Variants in ZMAT4 observed in about 807,000 individuals in gnomAD.
ZMAT4 encodes the protein zinc finger matrin-type protein 4.
ZMAT4 carries 17 observed loss-of-function variants against 28.7 expected under a neutral mutation model. The ratio of observed to expected loss-of-function variants is 0.59; its 90% CI spans 0.41 to 0.89. The LOEUF (loss-of-function observed/expected upper bound fraction) is 0.89, where lower values mean the gene tolerates loss of function less well. Ranked by LOEUF, ZMAT4 falls within the 40% of genes least tolerant of loss-of-function variation. The pLI, the probability that ZMAT4 is intolerant of heterozygous loss-of-function variation, is 0.00. For synonymous variants in ZMAT4, 117 were observed against 109.2 expected (o/e 1.07, Z -0.44); for missense variants, 240 against 283.8 (o/e 0.85, Z 1.11).
intron 1 of ZMAT4, among the ~76,000 whole-genome samples, chr8:40,876,984 C>T (rs114741242): frequency 1.7e-3 from 260 of 152,280 alleles, no homozygotes; most frequent in African/African-American, 6.1e-3. Context: ...ATCCTAGCCT[C>T]CACTCCTTCA....
chr8:40,632,405 A>T (rs1303438848), intron 5 of ZMAT4, among the ~76,000 whole-genome samples: 1 of 152,200 alleles, frequency 6.6e-6, no homozygotes, highest in Non-Finnish European at 1.5e-5. Flanking sequence ...AAATAAGAAA[A>T]TAGTGAAAGA....
intron 2 of ZMAT4, among the ~76,000 whole-genome samples, chr8:40,773,442 C>T (rs1319888549): frequency 6.6e-6 from 1 of 152,000 alleles, no homozygotes; most frequent in Non-Finnish European, 1.5e-5. Flanking sequence ...CAAGGCCAAT[C>T]ACACATAGCA....
At chr8:40,713,940 G>A (rs113774829) in intron 3 of ZMAT4, among the ~76,000 whole-genome samples, 342 of 120,418 alleles carry the variant, frequency 2.8e-3, no homozygotes, top group Middle Eastern at 4.3e-3. Flanking sequence ...AAAAAAAAAA[G>A]AAAAAGAAAA....
chr8:40,675,009 C>A, intron 4 of ZMAT4, 78 bp from the exon 5 acceptor site: 1 of 1,116,928 alleles, frequency 9.0e-7, no homozygotes, highest in Non-Finnish European at 1.3e-6. Context: ...ACCCGAAGAC[C>A]AAAAGTCTCC....
At chr8:40,752,741 C>T (rs1022334276) in intron 3 of ZMAT4, among the ~76,000 whole-genome samples, 2 of 152,186 alleles carry the variant, frequency 1.3e-5, no homozygotes, top group Non-Finnish European at 2.9e-5. Context: ...CCATCAGCCA[C>T]ACTGATTCAG....
At chr8:40,586,811 A>G (rs1804684570) in intron 5 of ZMAT4, among the ~76,000 whole-genome samples, 1 of 152,238 alleles carries the variant, frequency 6.6e-6, no homozygotes, top group Non-Finnish European at 1.5e-5. Flanking sequence ...ATTTTCTTAT[A>G]GAGCTAATCA....
At position 40,621,739 on chromosome 8, in the gene ZMAT4, T is replaced by G. The variant is rs565132055; in HGVS notation, c.578-40478A>C. Among the ~76,000 whole-genome samples, 36 of 152,348 alleles carry G rather than the reference T, an allele frequency of 2.4e-4. No individual in the cohort carries two copies. In the Middle Eastern group the frequency reaches 0.017, roughly 72 times the overall value. On this transcript the variant is annotated intron_variant, in intron 5 of 6. Coordinates refer to ENST00000297737, the MANE Select transcript of ZMAT4 (RefSeq NM_024645.3). ...TCAGGAAAATATTGCACATTTCCTC[T>G]TTGGATTTTTCTCTTTGTGAAATGA...
intron 2 of ZMAT4, among the ~76,000 whole-genome samples, chr8:40,800,917 A>C (rs1218210517): frequency 6.6e-6 from 1 of 152,114 alleles, no homozygotes; most frequent in Non-Finnish European, 1.5e-5. Context: ...ATTATAGAGA[A>C]AATTATCACA....
intron 1 of ZMAT4, among the ~76,000 whole-genome samples, chr8:40,836,787 G>C (rs1172791994): frequency 6.6e-6 from 1 of 152,226 alleles, no homozygotes; most frequent in Non-Finnish European, 1.5e-5. Context: ...GGATGAGAGA[G>C]AAACACATGG....
chr8:40,620,330 T>G (rs1806150191), intron 5 of ZMAT4, among the ~76,000 whole-genome samples: 1 of 152,304 alleles, frequency 6.6e-6, no homozygotes, highest in South Asian at 2.1e-4. Flanking sequence ...GTGGGAAATG[T>G]CAGAAGACGC....
chr8:40,581,413 A>G (rs1804461664), intron 5 of ZMAT4, 152 bp from the exon 6 acceptor site: 1 of 552,056 alleles, frequency 1.8e-6, no homozygotes, highest in Non-Finnish European at 3.3e-6. Context: ...GAGCACAGCC[A>G]ACAGGTCTCT....
At chr8:40,568,772 G>A (rs1372325153) in intron 6 of ZMAT4, among the ~76,000 whole-genome samples, 1 of 152,058 alleles carries the variant, frequency 6.6e-6, no homozygotes, top group East Asian at 1.9e-4. Flanking sequence ...GATAGGTTCA[G>A]GACTGAACCC....
At chr8:40,869,043 C>G (rs749586015) in intron 1 of ZMAT4, among the ~76,000 whole-genome samples, 30 of 152,228 alleles carry the variant, frequency 2.0e-4, no homozygotes, top group Non-Finnish European at 3.7e-4. Flanking sequence ...ATCCCCCAAC[C>G]TGAGCCCACT....
At chr8:40,850,592 G>A (rs908834375) in intron 1 of ZMAT4, among the ~76,000 whole-genome samples, 6 of 152,128 alleles carry the variant, frequency 3.9e-5, no homozygotes, top group Non-Finnish European at 8.8e-5. Context: ...GCACACAATA[G>A]GCACTTGGAA....
chr8:40,545,197 A>G (rs960565310), intron 6 of ZMAT4, among the ~76,000 whole-genome samples: 3 of 151,300 alleles, frequency 2.0e-5, no homozygotes, highest in Admixed American at 6.6e-5. Context: ...TTGAGAGCAG[A>G]CTCCCCCCTA....
chr8:40,676,088 C>G (rs1414303599), intron 4 of ZMAT4, among the ~76,000 whole-genome samples: 1 of 152,162 alleles, frequency 6.6e-6, no homozygotes, highest in African/African-American at 2.4e-5. Context: ...CTTACAAGGA[C>G]TATGACTTGG....
intron 1 of ZMAT4, among the ~76,000 whole-genome samples, chr8:40,833,800 T>C (rs1816378040): frequency 6.6e-6 from 1 of 152,142 alleles, no homozygotes; most frequent in Non-Finnish European, 1.5e-5. Flanking sequence ...CAATTCCCTG[T>C]TCCTCAGGAT....
At chr8:40,674,673 T>C (rs774869845) in intron 5 of ZMAT4, 31 bp downstream of exon 5, 2 of 1,575,382 alleles carry the variant, frequency 1.3e-6, no homozygotes, top group Admixed American at 1.7e-5. Context: ...AAGCCCAGTT[T>C]TGTGGCAGAA....
intron 2 of ZMAT4, among the ~76,000 whole-genome samples, chr8:40,806,510 A>T (rs1307119542): frequency 6.6e-6 from 1 of 152,162 alleles, no homozygotes; most frequent in Non-Finnish European, 1.5e-5. Context: ...TCTGTATACG[A>T]AACAACCACA....
Sources: allele counts gnomAD v4.1 joint callset (sites outside exome capture counted in the v4.1 genomes callset), GRCh38; gene constraint gnomAD v4.1.1; transcripts MANE v1.5; gene names NCBI Gene and HGNC (gene_info 2026-07-23, HGNC 2026-07-21).